The following COG5 variants were observed in gnomAD, a reference collection of about 807,000 sequenced individuals.
COG5 encodes component of oligomeric golgi complex 5.
COG5 carries 86 observed loss-of-function variants against 110.4 expected under a neutral mutation model. The ratio of observed to expected loss-of-function variants is 0.78; its 90% confidence interval spans 0.65 to 0.93. The LOEUF (loss-of-function observed/expected upper bound fraction) is 0.93, where lower values mean the gene tolerates loss of function less well. Ranked by LOEUF, COG5 falls within the 40% of genes least tolerant of loss-of-function variation. The pLI, the probability that COG5 is intolerant of heterozygous loss-of-function variation, is 0.00. For missense variants in COG5, 1,077 were observed against 987.0 expected (o/e 1.09, Z -1.22); for synonymous variants, 360 against 334.6 (o/e 1.08, Z -0.83).
intron 6 of COG5, among the ~76,000 whole-genome samples, chr7:107,443,134 A>G (rs996153621): frequency 6.6e-6 from 1 of 152,214 alleles, no homozygotes; most frequent in Admixed American, 6.5e-5. Context: ...AAAGAAAAAC[A>G]AAAGGTGGTA....
At chr7:107,286,730 C>G (rs1368903036) in intron 12 of COG5, among the ~76,000 whole-genome samples, 1 of 152,128 alleles carries the variant, frequency 6.6e-6, no homozygotes, top group African/African-American at 2.4e-5. Context: ...TTCCCTCTTA[C>G]AACTTCATCT....
chr7:107,532,042 T>C (rs1370210701), intron 5 of COG5, among the ~76,000 whole-genome samples: 1 of 152,152 alleles, frequency 6.6e-6, no homozygotes, highest in Non-Finnish European at 1.5e-5. Context: ...TGGTTTCTTT[T>C]AGTAGAAAAC....
intron 10 of COG5, among the ~76,000 whole-genome samples, chr7:107,335,216 C>A (rs1335987485): frequency 2.0e-5 from 3 of 151,952 alleles, no homozygotes; most frequent in Non-Finnish European, 4.4e-5. Context: ...ATGGTGAAAC[C>A]CTGCCTCTAC....
At chr7:107,384,916 T>C (rs1790071530) in intron 7 of COG5, among the ~76,000 whole-genome samples, 1 of 152,212 alleles carries the variant, frequency 6.6e-6, no homozygotes, top group African/African-American at 2.4e-5. Flanking sequence ...TATACGTCTT[T>C]ATATGCTTAA....
intron 1 of COG5, among the ~76,000 whole-genome samples, chr7:107,561,581 C>T (rs994904403): frequency 6.6e-6 from 1 of 152,158 alleles, no homozygotes; most frequent in Admixed American, 6.5e-5. Context: ...TCATTGAAAA[C>T]CTTGCAAAGT....
At chr7:107,459,570 G>C (rs1795864511) in intron 6 of COG5, among the ~76,000 whole-genome samples, 1 of 152,080 alleles carries the variant, frequency 6.6e-6, no homozygotes, top group African/African-American at 2.4e-5. Context: ...GCCAGGGCAG[G>C]AGGATCCTTG....
At chr7:107,302,332 T>A (rs1807334615) in intron 11 of COG5, among the ~76,000 whole-genome samples, 1 of 152,108 alleles carries the variant, frequency 6.6e-6, no homozygotes, top group Admixed American at 6.6e-5. Context: ...AACTACCATA[T>A]AGTAACAAAA....
At chr7:107,204,791 C>T (rs185835165) in intron 21 of COG5, among the ~76,000 whole-genome samples, 37 of 152,280 alleles carry the variant, frequency 2.4e-4, no homozygotes, top group Admixed American at 2.1e-3. Flanking sequence ...TTCCAGCCCT[C>T]GACCTCCCCC....
At position 107,316,541 on chromosome 7, in the gene COG5, T is replaced by C. The variant is rs1031174872; in HGVS notation, c.1108+7899A>G. ...TAAGAAAAGAAAAGCAGGCAGGGCG[T>C]GGTGGCTCTCGCCTGTAATCCCGGC... On this transcript the variant is annotated intron_variant, in intron 11 of 21. Transcript: ENST00000297135. Among the ~76,000 whole-genome samples the C allele has an allele frequency of 9.3e-5, 14 of 150,838 alleles. No homozygotes were observed. The East Asian group carries it at 9.8e-4, about 11-fold the overall frequency.
chr7:107,393,256 G>C (rs1206092826), intron 7 of COG5, among the ~76,000 whole-genome samples: 3 of 152,058 alleles, frequency 2.0e-5, no homozygotes, highest in Non-Finnish European at 4.4e-5. Flanking sequence ...TCAGCTCTAG[G>C]AATTCTACTG....
At chr7:107,450,839 C>T (rs1795288584) in intron 6 of COG5, among the ~76,000 whole-genome samples, 2 of 152,166 alleles carry the variant, frequency 1.3e-5, no homozygotes, top group South Asian at 4.1e-4. Context: ...TCCCTGAAGT[C>T]AGTACCTTGC....
chr7:107,210,209 C>A, intron 21 of COG5: 2 of 1,191,718 alleles, frequency 1.7e-6, no homozygotes, highest in East Asian at 3.9e-5. Context: ...GTAAAAGATG[C>A]GGAGCTAGGG....
chr7:107,487,272 A>G (rs1371808409), intron 6 of COG5, among the ~76,000 whole-genome samples: 1 of 152,192 alleles, frequency 6.6e-6, no homozygotes, highest in Admixed American at 6.6e-5. Flanking sequence ...AGAATGACAA[A>G]CACAAAACTG....
intron 6 of COG5, among the ~76,000 whole-genome samples, chr7:107,444,298 T>G (rs769683036): frequency 7.7e-4 from 117 of 152,308 alleles, no homozygotes; most frequent in Non-Finnish European, 1.3e-3. Flanking sequence ...TAATTTATTT[T>G]TACAATAGAG....
chr7:107,475,302 T>A (rs748887393), intron 6 of COG5: 2 of 1,591,432 alleles, frequency 1.3e-6, no homozygotes, highest in African/African-American at 1.4e-5. Context: ...ACAAAAAAAT[T>A]ACCTTTGAAG....
rs1161349503 is a variant in COG5, at chr7:107,299,838, T to TATATATAC, written c.1109-1493_1109-1492insGTATATAT. ...AATTCATAGTTGGCATATATATATA[T>TATATATAC]ATATATATATATATATATATCTGGA... On this transcript the variant is annotated intron_variant, in intron 11 of 21. Transcript: ENST00000297135. Among the ~76,000 whole-genome samples the TATATATAC allele has an allele frequency of 2.4e-3, 246 of 101,468 alleles. 1 individual carries two copies. Among genetic ancestry groups the TATATATAC allele is most frequent in the African/African-American group, 6.8e-3 (236 of 34,880 alleles). 66.6% of individuals were successfully genotyped at this position (101,468 alleles called of 152,430 possible). A position where few individuals can be genotyped will look rare whatever the true frequency, so the allele number is the denominator to read the frequency against.
intron 12 of COG5, among the ~76,000 whole-genome samples, chr7:107,287,325 T>C (rs1437426611): frequency 6.6e-6 from 1 of 152,210 alleles, no homozygotes; most frequent in Non-Finnish European, 1.5e-5. Flanking sequence ...GTGACTTGTG[T>C]AGTAAGCTGC....
At chr7:107,369,607 TC>T (rs1813945001) in intron 8 of COG5, among the ~76,000 whole-genome samples, 1 of 152,126 alleles carries the variant, frequency 6.6e-6, no homozygotes, top group Non-Finnish European at 1.5e-5. Context: ...CAGGCTGGTC[TC>T]AAACTCTTGA....
At chr7:107,345,780 G>GA (rs776006418) in intron 10 of COG5, among the ~76,000 whole-genome samples, 31 of 152,124 alleles carry the variant, frequency 2.0e-4, no homozygotes, top group Non-Finnish European at 3.7e-4. Flanking sequence ...GAAATCACAT[G>GA]AATTAGGTTG....
Sources: allele counts gnomAD v4.1 joint callset (sites outside exome capture counted in the v4.1 genomes callset), GRCh38; gene constraint gnomAD v4.1.1; transcripts MANE v1.5; gene names NCBI Gene and HGNC (gene_info 2026-07-23, HGNC 2026-07-21).